IMMP2L: variants seen among roughly 807,000 people sequenced by gnomAD.
The protein encoded by IMMP2L is mitochondrial inner membrane protease subunit 2.
In IMMP2L, 18 loss-of-function variants were observed where a neutral mutation model predicts 19.3. The ratio of observed to expected loss-of-function variants is 0.93; its 90% CI spans 0.64 to 1.38. The LOEUF is 1.38. IMMP2L is among the 40% of genes most tolerant of loss of function. The probability of loss-of-function intolerance (pLI) is 0.00; values close to 1 mark genes in which losing one functional copy is unlikely to be tolerated. For synonymous variants in IMMP2L, 76 were observed against 73.0 expected (o/e 1.04, Z -0.21); for missense variants, 233 against 218.2 (o/e 1.07, Z -0.43).
intron 5 of IMMP2L, among the ~76,000 whole-genome samples, chr7:110,794,940 T>C (rs764663908): frequency 3.3e-5 from 5 of 152,056 alleles, no homozygotes; most frequent in Non-Finnish European, 5.9e-5. Context: ...GCCCACAGTT[T>C]TACATTTAGT....
intron 5 of IMMP2L, among the ~76,000 whole-genome samples, chr7:110,713,917 T>C (rs938730105): frequency 3.3e-5 from 5 of 152,176 alleles, no homozygotes; most frequent in African/African-American, 1.2e-4. Context: ...ATGACTTTTA[T>C]TTCTTTCTTT....
chr7:110,869,747 C>T (rs991917879), intron 5 of IMMP2L, among the ~76,000 whole-genome samples: 1 of 152,054 alleles, frequency 6.6e-6, no homozygotes, highest in Non-Finnish European at 1.5e-5. Flanking sequence ...ATTTGGGAAA[C>T]AGTGCTATAA....
intron 3 of IMMP2L, among the ~76,000 whole-genome samples, chr7:111,331,961 A>G (rs1308716766): frequency 6.6e-6 from 1 of 151,852 alleles, no homozygotes; most frequent in Non-Finnish European, 1.5e-5. Context: ...ATACATATAT[A>G]TATTTATTTG....
intron 3 of IMMP2L, among the ~76,000 whole-genome samples, chr7:111,144,982 T>C (rs1223119735): frequency 6.6e-6 from 1 of 152,106 alleles, no homozygotes; most frequent in Non-Finnish European, 1.5e-5. Context: ...TGAGAAGATA[T>C]TGTCTAACCT....
chr7:111,368,677 CA>C (rs1830009225), intron 3 of IMMP2L, among the ~76,000 whole-genome samples: 1 of 151,906 alleles, frequency 6.6e-6, no homozygotes, highest in Non-Finnish European at 1.5e-5. Flanking sequence ...GCTTTTAAGT[CA>C]ATCTGTTTCC....
intron 3 of IMMP2L, among the ~76,000 whole-genome samples, chr7:111,430,009 A>ATAATGTAGT (rs1279166660): frequency 6.6e-6 from 1 of 151,934 alleles, no homozygotes; most frequent in Non-Finnish European, 1.5e-5. Flanking sequence ...AAGAATGATC[A>ATAATGTAGT]TAATGTAGTT....
intron 3 of IMMP2L, among the ~76,000 whole-genome samples, chr7:111,278,573 G>A (rs538239291): frequency 6.6e-6 from 1 of 152,188 alleles, no homozygotes; most frequent in African/African-American, 2.4e-5. Flanking sequence ...AGACACATCA[G>A]TTGCACACCC....
intron 5 of IMMP2L, among the ~76,000 whole-genome samples, chr7:110,780,794 G>A (rs1289404137): frequency 1.9e-4 from 2 of 10,450 alleles, no homozygotes; most frequent in Admixed American, 1.7e-3. Context: ...ACAAAGGAGG[G>A]TGCCTTTGCT....
At chr7:110,931,892 A>T (rs1815531612) in intron 4 of IMMP2L, among the ~76,000 whole-genome samples, 1 of 152,096 alleles carries the variant, frequency 6.6e-6, no homozygotes, top group East Asian at 1.9e-4. Flanking sequence ...TCTCATTAGC[A>T]CCTTAAGGTC....
At chr7:111,463,288 A>C (rs1256262575) in intron 3 of IMMP2L, among the ~76,000 whole-genome samples, 1 of 152,076 alleles carries the variant, frequency 6.6e-6, no homozygotes, top group Non-Finnish European at 1.5e-5. Flanking sequence ...ACTTCTGTAA[A>C]GACCCAGATC....
intron 5 of IMMP2L, among the ~76,000 whole-genome samples, chr7:110,726,846 A>C (rs925485152): frequency 6.6e-6 from 1 of 152,112 alleles, no homozygotes; most frequent in Non-Finnish European, 1.5e-5. Context: ...TGCCCAAATT[A>C]CTCTGGGGTT....
chr7:110,934,897 T>C (rs551057589), intron 4 of IMMP2L, among the ~76,000 whole-genome samples: 18 of 152,300 alleles, frequency 1.2e-4, no homozygotes, highest in African/African-American at 4.3e-4. Flanking sequence ...TGTCTTTGCA[T>C]GTAAGATGGG....
chr7:110,908,004 G>A (rs1315609256), intron 4 of IMMP2L, among the ~76,000 whole-genome samples: 1 of 152,120 alleles, frequency 6.6e-6, no homozygotes, highest in Non-Finnish European at 1.5e-5. Flanking sequence ...TGAGCAAGAG[G>A]GAGGAGTTAA....
chr7:110,989,341 A>G (rs965438347), intron 3 of IMMP2L, among the ~76,000 whole-genome samples: 3 of 152,076 alleles, frequency 2.0e-5, no homozygotes, highest in African/African-American at 7.2e-5. Context: ...GTATGAGACC[A>G]GCCTGGGCAA....
At chr7:111,334,333 G>C (rs1489610743) in intron 3 of IMMP2L, among the ~76,000 whole-genome samples, 1 of 151,834 alleles carries the variant, frequency 6.6e-6, no homozygotes, top group African/African-American at 2.4e-5. Flanking sequence ...TTCTGTGCTT[G>C]GCTTATTTCA....
At chr7:110,920,650 T>C (rs1285261995) in intron 4 of IMMP2L, among the ~76,000 whole-genome samples, 1 of 152,232 alleles carries the variant, frequency 6.6e-6, no homozygotes, top group Non-Finnish European at 1.5e-5. Context: ...TTATGTGCTT[T>C]ACCAAGCTTC....
At chr7:111,111,450 C>T (rs1386306186) in intron 3 of IMMP2L, among the ~76,000 whole-genome samples, 2 of 151,088 alleles carry the variant, frequency 1.3e-5, no homozygotes, top group Non-Finnish European at 2.9e-5. Flanking sequence ...TTCCCCCGCC[C>T]TTAATTTTAG....
At chr7:111,488,983 T>C (rs1225276057) in intron 2 of IMMP2L, among the ~76,000 whole-genome samples, 1 of 151,988 alleles carries the variant, frequency 6.6e-6, no homozygotes, top group Non-Finnish European at 1.5e-5. Flanking sequence ...CATATGCTTA[T>C]TGGCCATTTG....
At chr7:110,671,531 C>T (rs1791921519) in intron 5 of IMMP2L, among the ~76,000 whole-genome samples, 1 of 152,074 alleles carries the variant, frequency 6.6e-6, no homozygotes, top group South Asian at 2.1e-4. Context: ...GCCAACGAAC[C>T]ACATGGACTA....
Sources: gnomAD v4.1 joint callset for allele counts (sites outside exome capture counted in the v4.1 genomes callset) on GRCh38, gnomAD v4.1.1 for gene constraint, MANE v1.5 for transcripts, NCBI Gene and HGNC (gene_info 2026-07-23, HGNC 2026-07-21) for gene names.